Variants in KLF8 observed in about 807,000 individuals in gnomAD.
KLF8 encodes the protein KLF transcription factor 8.
In KLF8, 10 loss-of-function variants were observed where a neutral mutation model predicts 18.2. That is an observed-to-expected ratio of 0.55 (90% CI 0.34 to 0.93). KLF8 has a LOEUF of 0.93. Among genes scored for constraint, KLF8 ranks in the 40% least tolerant of loss-of-function variants. The pLI is 0.02. For missense variants in KLF8, 264 were observed against 277.9 expected (o/e 0.95, Z 0.36); for synonymous variants, 109 against 97.3 (o/e 1.12, Z -0.71).
At chrX:55,942,092 C>T in the KLF8 span, among the ~76,000 whole-genome samples, 3,086 of 111,385 alleles carry the variant, frequency 0.028, 130 homozygotes, top group African/African-American at 0.096. Flanking sequence ...GCACTATTCA[C>T]AATGGCAAAG....
the KLF8 span, among the ~76,000 whole-genome samples, chrX:56,205,007 T>G: frequency 2.7e-5 from 3 of 110,855 alleles, no homozygotes; most frequent in African/African-American, 9.8e-5. Context: ...CAAAATGACC[T>G]ACAGATATTA....
At chrX:56,248,171 AG>A (rs781162266) in intron 1 of KLF8, among the ~76,000 whole-genome samples, 4 of 110,186 alleles carry the variant, frequency 3.6e-5, no homozygotes, top group African/African-American at 1.3e-4. Flanking sequence ...GGGTGGGGGG[AG>A]AGCGGAGGGA....
chrX:56,244,600 C>T (rs2066597317), intron 1 of KLF8, among the ~76,000 whole-genome samples: 1 of 112,166 alleles, frequency 8.9e-6, no homozygotes, highest in African/African-American at 3.2e-5. Flanking sequence ...CAGTGTCTGA[C>T]ACAAAGTAAG....
chrX:56,177,916 T>C, the KLF8 span, among the ~76,000 whole-genome samples: 3 of 111,503 alleles, frequency 2.7e-5, no homozygotes, highest in Non-Finnish European at 5.7e-5. Flanking sequence ...CCAGATATAA[T>C]CTCCTGGTGT....
the KLF8 span, among the ~76,000 whole-genome samples, chrX:56,172,102 T>G: frequency 1.8e-5 from 2 of 111,021 alleles, no homozygotes; most frequent in Admixed American, 9.6e-5. Context: ...TTGGTTTTGA[T>G]TTGCATTTCT....
chrX:55,983,579 C>A, the KLF8 span, among the ~76,000 whole-genome samples: 1 of 112,034 alleles, frequency 8.9e-6, no homozygotes, highest in Non-Finnish European at 1.9e-5. Flanking sequence ...TTTAGAAATA[C>A]CATTTCTATT....
the KLF8 span, among the ~76,000 whole-genome samples, chrX:56,076,711 G>A: frequency 3.6e-5 from 4 of 111,610 alleles, no homozygotes; most frequent in South Asian, 3.8e-4. Flanking sequence ...CTGAGGAATC[G>A]CCACACTGAC....
chrX:55,972,161 T>A, the KLF8 span, among the ~76,000 whole-genome samples: 1 of 111,741 alleles, frequency 8.9e-6, no homozygotes, highest in Non-Finnish European at 1.9e-5. Context: ...AACAGATGAA[T>A]GGATAAAGAA....
chrX:56,148,357 C>T, the KLF8 span, among the ~76,000 whole-genome samples: 5 of 111,074 alleles, frequency 4.5e-5, no homozygotes, highest in Non-Finnish European at 7.5e-5. Flanking sequence ...ACCAACTCTA[C>T]GTCTCTGTTG....
At chrX:56,067,366 G>A in the KLF8 span, among the ~76,000 whole-genome samples, 1 of 109,651 alleles carries the variant, frequency 9.1e-6, no homozygotes, top group East Asian at 3.0e-4. Context: ...TTTGAATAGT[G>A]TCTAGGAACT....
the KLF8 span, among the ~76,000 whole-genome samples, chrX:56,136,109 A>T: frequency 2.7e-5 from 3 of 111,607 alleles, no homozygotes; most frequent in African/African-American, 9.8e-5. Flanking sequence ...GAGGATAAAA[A>T]CAAATGGAAG....
the KLF8 span, among the ~76,000 whole-genome samples, chrX:56,146,105 C>A: frequency 8.9e-6 from 1 of 112,052 alleles, no homozygotes; most frequent in African/African-American, 3.2e-5. Context: ...CGTTTTTACA[C>A]TGTTGGTGGG....
the KLF8 span, among the ~76,000 whole-genome samples, chrX:55,945,158 T>C: frequency 6.3e-5 from 7 of 111,218 alleles, no homozygotes; most frequent in Non-Finnish European, 1.1e-4. Flanking sequence ...AGTTTCTTAA[T>C]CCTGAGTTCT....
the KLF8 span, among the ~76,000 whole-genome samples, chrX:56,162,558 C>T: frequency 8.9e-6 from 1 of 111,871 alleles, no homozygotes; most frequent in South Asian, 3.7e-4. Flanking sequence ...GGGCATGGGA[C>T]CCTCCAAGCC....
intron 5 of KLF8, among the ~76,000 whole-genome samples, chrX:56,274,108 T>C (rs767347556): frequency 9.9e-4 from 111 of 112,163 alleles, no homozygotes; most frequent in African/African-American, 3.5e-3. Context: ...TTGTTCTCTA[T>C]AGTGATTGTA....
chrX:56,265,048 T>A (rs2066949058), intron 2 of KLF8, 132 bp from the exon 3 acceptor site: 5 of 761,413 alleles, frequency 6.6e-6, no homozygotes, highest in Non-Finnish European at 8.9e-6. Context: ...AGTTTACTCC[T>A]GCCTTATTTC....
At chrX:56,139,329 G>A in the KLF8 span, among the ~76,000 whole-genome samples, 1,108 of 111,502 alleles carry the variant, frequency 9.9e-3, 5 homozygotes, top group Non-Finnish European at 0.015. Context: ...AACCAGAAAA[G>A]AGCTCGAACG....
the KLF8 span, among the ~76,000 whole-genome samples, chrX:56,088,633 C>T: frequency 8.9e-6 from 1 of 111,780 alleles, no homozygotes; most frequent in South Asian, 3.7e-4. Flanking sequence ...CCTTTTCTCA[C>T]TTTTATAATT....
chrX:56,238,066 T>G (rs889637772), intron 1 of KLF8, among the ~76,000 whole-genome samples: 1 of 112,172 alleles, frequency 8.9e-6, no homozygotes, highest in Non-Finnish European at 1.9e-5. Flanking sequence ...CCTATTAATT[T>G]TTTTTTGGAG....
Sources: allele counts gnomAD v4.1 joint callset (sites outside exome capture counted in the v4.1 genomes callset), GRCh38; gene constraint gnomAD v4.1.1; transcripts MANE v1.5; gene names NCBI Gene and HGNC (gene_info 2026-07-23, HGNC 2026-07-21).